SLCO3A1: variants seen among roughly 807,000 people sequenced by gnomAD.
SLCO3A1 encodes the protein solute carrier organic anion transporter family member 3A1, also known as PGE1 transporter.
Under a neutral mutation model 63.1 loss-of-function variants are expected in SLCO3A1, and 27 were observed. The observed-to-expected ratio is 0.43, with a 90% confidence interval of 0.32 to 0.59. SLCO3A1 has a LOEUF of 0.59. SLCO3A1 is among the 20% of genes least tolerant of loss of function. The probability of loss-of-function intolerance (pLI) is 0.09; values close to 1 mark genes in which losing one functional copy is unlikely to be tolerated. For synonymous variants in SLCO3A1, 473 were observed against 409.9 expected (o/e 1.15, Z -1.86); for missense variants, 773 against 945.8 (o/e 0.82, Z 2.40).
At chr15:91,953,813 G>A (rs1900078623) in intron 2 of SLCO3A1, among the ~76,000 whole-genome samples, 1 of 152,042 alleles carries the variant, frequency 6.6e-6, no homozygotes, top group Admixed American at 6.5e-5. Context: ...TGATTGCCGT[G>A]CTCCTGTATC....
rs200446214 is a variant in SLCO3A1, at chr15:91,922,676, G to GA, written c.646+6224dup. 7.3e-4 allele frequency among the ~76,000 whole-genome samples: 111 copies of GA among 152,286 alleles called. No individual in the cohort carries two copies. In the East Asian group the frequency reaches 0.021, roughly 28 times the overall value. On this transcript the variant is annotated intron_variant, in intron 2 of 9. Transcript: ENST00000318445. The stretch of plus-strand genomic sequence containing the variant: ...AATATACTGTGACTGAAGTTCATCT[G>GA]AAAAAATAATTAAAAAGCCATCTCT...
chr15:91,956,758 C>G (rs949843416), intron 2 of SLCO3A1, among the ~76,000 whole-genome samples: 1 of 148,474 alleles, frequency 6.7e-6, no homozygotes. Flanking sequence ...GTTCCCTGGA[C>G]TTGCTGTGGC....
At chr15:92,085,110 A>G (rs779431114) in intron 2 of SLCO3A1, among the ~76,000 whole-genome samples, 1 of 152,240 alleles carries the variant, frequency 6.6e-6, no homozygotes, top group Non-Finnish European at 1.5e-5. Flanking sequence ...GCAAACCAGC[A>G]TAGAGAGGCT....
At chr15:92,052,936 T>C (rs1189112458) in intron 2 of SLCO3A1, among the ~76,000 whole-genome samples, 1 of 152,228 alleles carries the variant, frequency 6.6e-6, no homozygotes, top group African/African-American at 2.4e-5. Flanking sequence ...TTGTGGCTAC[T>C]AGAAAAATTT....
At chr15:91,871,249 C>T (rs1436399738) in intron 1 of SLCO3A1, among the ~76,000 whole-genome samples, 1 of 152,088 alleles carries the variant, frequency 6.6e-6, no homozygotes, top group East Asian at 1.9e-4. Context: ...ATGTCTTGGG[C>T]CAGTTGAGCT....
At chr15:92,172,185 A>G (rs893672776) in exon 11 of SLCO3A1, 12 of 243,244 alleles carry the variant, frequency 4.9e-5, no homozygotes, top group African/African-American at 2.5e-4. Context: ...CATGCTTTAG[A>G]AACTCCCCTC....
intron 2 of SLCO3A1, among the ~76,000 whole-genome samples, chr15:91,963,268 T>C (rs1046919751): frequency 6.6e-6 from 1 of 152,186 alleles, no homozygotes; most frequent in Admixed American, 6.5e-5. Flanking sequence ...GCACTGGCTC[T>C]TTCAGCTTTC....
chr15:92,122,169 G>T (rs908516238), intron 5 of SLCO3A1, among the ~76,000 whole-genome samples: 1 of 152,180 alleles, frequency 6.6e-6, no homozygotes, highest in Non-Finnish European at 1.5e-5. Context: ...AGGGAATGTG[G>T]TGGACAGCCC....
rs778755456 is a variant in SLCO3A1, at chr15:91,885,143, G to A, written c.181-30850G>A. 1.3e-5 allele frequency among the ~76,000 whole-genome samples: 2 copies of A among 152,160 alleles called. No homozygotes were observed. The highest frequency in any genetic ancestry group is 2.4e-5 in the African/African-American group (1 of 41,436). On this transcript the variant is annotated intron_variant, in intron 1 of 9. Coordinates refer to ENST00000318445, the MANE Select transcript of SLCO3A1 (RefSeq NM_013272.4). This position sits in a 1 kb window ranked among gnomAD's most constrained non-coding sequence, Gnocchi z 4.7. The stretch of plus-strand genomic sequence containing the variant: ...TGCTGAGCCTGCCCGCCTGCTCTGC[G>A]TCACCTGGAAGGAGGGTGCAGAAGG...
chr15:91,899,243 G>A (rs1898089366), intron 1 of SLCO3A1, among the ~76,000 whole-genome samples: 1 of 152,194 alleles, frequency 6.6e-6, no homozygotes, highest in African/African-American at 2.4e-5. Flanking sequence ...GAGAGAGAGT[G>A]ACTTAGAAGG....
At chr15:92,158,061 G>A (rs541788621) in intron 9 of SLCO3A1, among the ~76,000 whole-genome samples, 51 of 152,244 alleles carry the variant, frequency 3.3e-4, no homozygotes, top group African/African-American at 1.1e-3. Context: ...TGACAACTCC[G>A]TGTCTCTTCC....
chr15:92,102,373 T>C (rs1250175117), intron 3 of SLCO3A1, among the ~76,000 whole-genome samples: 1 of 152,156 alleles, frequency 6.6e-6, no homozygotes, highest in East Asian at 1.9e-4. Context: ...TTTATATACA[T>C]ATATGTACAT....
chr15:92,005,075 T>C (rs1183452965), intron 2 of SLCO3A1, among the ~76,000 whole-genome samples: 1 of 152,274 alleles, frequency 6.6e-6, no homozygotes, highest in Non-Finnish European at 1.5e-5. Context: ...AGATTTATGA[T>C]ATTTGCATTG....
chr15:91,945,450 C>A (rs1159619257), intron 2 of SLCO3A1, among the ~76,000 whole-genome samples: 1 of 151,904 alleles, frequency 6.6e-6, no homozygotes, highest in Non-Finnish European at 1.5e-5. Flanking sequence ...GGGAAGACAG[C>A]CAAAAGTGAA....
At chr15:91,922,650 A>G (rs1898888438) in intron 2 of SLCO3A1, among the ~76,000 whole-genome samples, 1 of 152,240 alleles carries the variant, frequency 6.6e-6, no homozygotes, top group Non-Finnish European at 1.5e-5. Flanking sequence ...GGTATGGATC[A>G]AATATACTGT....
chr15:92,083,812 G>A (rs757284011), intron 2 of SLCO3A1, among the ~76,000 whole-genome samples: 28 of 152,154 alleles, frequency 1.8e-4, no homozygotes, highest in Non-Finnish European at 3.1e-4. Flanking sequence ...TATGCCAGGC[G>A]CTGTGGAAAG....
At chr15:92,000,294 C>G (rs1567059777) in intron 2 of SLCO3A1, among the ~76,000 whole-genome samples, 1 of 151,796 alleles carries the variant, frequency 6.6e-6, no homozygotes, top group Admixed American at 6.6e-5. Context: ...TGAAAGACAT[C>G]TAGAAGTTCC....
chr15:91,854,790 C>A lies in SLCO3A1; in HGVS notation c.180+702C>A, dbSNP rs769909575. ...TGCTAAATTCCCCATCGTGGTCTGT[C>A]GCCTACAGAAGGTTGCACCATTTTC... On this transcript the variant is annotated intron_variant, in intron 1 of 9. Coordinates refer to ENST00000318445, the MANE Select transcript of SLCO3A1 (RefSeq NM_013272.4). This position sits in a 1 kb window ranked among gnomAD's most constrained non-coding sequence, Gnocchi z 6.4. 6.6e-6 allele frequency among the ~76,000 whole-genome samples: 1 copy of A among 152,140 alleles called. No homozygotes were observed. The highest frequency in any genetic ancestry group is 1.5e-5 in the Non-Finnish European group (1 of 68,024).
intron 1 of SLCO3A1, among the ~76,000 whole-genome samples, chr15:91,911,728 G>C (rs900467632): frequency 4.5e-4 from 68 of 152,128 alleles, no homozygotes; most frequent in Admixed American, 1.2e-3. Context: ...CCGGGTTCAA[G>C]CAGTTCTCCT....
Sources: gnomAD v4.1 joint callset for allele counts (sites outside exome capture counted in the v4.1 genomes callset) on GRCh38, gnomAD v4.1.1 for gene constraint, Gnocchi (gnomAD v3.1) non-coding constraint, MANE v1.5 for transcripts, NCBI Gene and HGNC (gene_info 2026-07-23, HGNC 2026-07-21) for gene names.